Variants in AK9 observed in about 807,000 individuals in gnomAD.
AK9 encodes adenylate kinase 9, also known as adenylate kinase domain containing 1.
Under a neutral mutation model 239.6 loss-of-function variants are expected in AK9, and 191 were observed. The observed-to-expected ratio is 0.80, with a 90% confidence interval of 0.71 to 0.90. The LOEUF (loss-of-function observed/expected upper bound fraction) is 0.90, where lower values mean the gene tolerates loss of function less well. Among genes scored for constraint, AK9 ranks in the 40% least tolerant of loss-of-function variants. AK9 has a pLI of 0.00. For synonymous variants in AK9, 689 were observed against 721.0 expected, an observed-to-expected ratio of 0.96 and a Z score of 0.71; for missense variants, 1,995 against 2,214.7, an observed-to-expected ratio of 0.90 and a Z score of 1.99.
At chr6:109,640,587 T>A (rs1317421360) in intron 10 of AK9, among the ~76,000 whole-genome samples, 6 of 152,084 alleles carry the variant, frequency 3.9e-5, no homozygotes, top group African/African-American at 7.2e-5. Context: ...ATTTTTTTTT[T>A]TTTTTATTTT....
intron 13 of AK9, among the ~76,000 whole-genome samples, chr6:109,616,344 C>G (rs903859896): frequency 1.3e-5 from 2 of 151,978 alleles, no homozygotes; most frequent in Non-Finnish European, 2.9e-5. Context: ...GGATTAAAAA[C>G]TTAATGATTT....
At chr6:109,675,484 T>G (rs143233097) in intron 2 of AK9, 145 bp downstream of exon 2, 90 of 539,032 alleles carry the variant, frequency 1.7e-4, no homozygotes, top group Middle Eastern at 1.5e-3. Flanking sequence ...ACCAATATTA[T>G]GGCAGATTTT....
chr6:109,654,232 T>C (rs1355389049), intron 8 of AK9, among the ~76,000 whole-genome samples: 1 of 152,194 alleles, frequency 6.6e-6, no homozygotes, highest in African/African-American at 2.4e-5. Context: ...AGATTCTAGG[T>C]GTTTTCCTCT....
chr6:109,649,114 G>A (rs575040618), intron 8 of AK9, among the ~76,000 whole-genome samples: 34 of 152,226 alleles, frequency 2.2e-4, no homozygotes, highest in Admixed American at 1.7e-3. Flanking sequence ...AGTTATCTAT[G>A]ACAAACCCAC....
chr6:109,639,287 A>G (rs1479512176), intron 10 of AK9, among the ~76,000 whole-genome samples: 3 of 152,094 alleles, frequency 2.0e-5, no homozygotes, highest in East Asian at 1.9e-4. Context: ...AAGTGTTCCT[A>G]TTTCTCCACA....
intron 17 of AK9, among the ~76,000 whole-genome samples, chr6:109,599,703 A>G (rs1443064457): frequency 2.0e-5 from 3 of 152,318 alleles, no homozygotes; most frequent in South Asian, 2.1e-4. Context: ...CTTCCTATCC[A>G]TGAGCATGGA....
At chr6:109,557,402 C>A (rs1785137503) in intron 24 of AK9, among the ~76,000 whole-genome samples, 1 of 152,100 alleles carries the variant, frequency 6.6e-6, no homozygotes, top group Admixed American at 6.5e-5. Flanking sequence ...GGAACACCAA[C>A]CTGATGCCAG....
At chr6:109,509,577 C>G (rs927343099) in intron 32 of AK9, among the ~76,000 whole-genome samples, 197 bp from the exon 33 acceptor site, 1 of 152,078 alleles carries the variant, frequency 6.6e-6, no homozygotes, top group African/African-American at 2.4e-5. Context: ...TGCTGCAGAC[C>G]CAGGCCTCCT....
rs376530730 is a variant in AK9 at position 109,547,632 on chromosome 6, G to T, written c.2965-1505C>A. ...GGGAAGTGCTACAGGACATTGGTCTGGGCAAAGATTTTTCCAGGTAAAACC... is the reference window on the plus strand; with the variant it reads ...GGGAAGTGCTACAGGACATTGGTCTTGGCAAAGATTTTTCCAGGTAAAACC... On this transcript the variant is annotated intron_variant, in intron 25 of 40. Coordinates refer to ENST00000424296, the MANE Select transcript of AK9 (RefSeq NM_001145128.3). Among the ~76,000 whole-genome samples the T allele has an allele frequency of 1.7e-3, 253 of 152,122 alleles. 8 individuals are homozygous for T. The South Asian group carries it at 0.051, about 30-fold the overall frequency.
intron 8 of AK9, among the ~76,000 whole-genome samples, chr6:109,648,709 G>A (rs1055271779): frequency 2.0e-5 from 3 of 152,096 alleles, no homozygotes; most frequent in Non-Finnish European, 4.4e-5. Flanking sequence ...CCAATCAATA[G>A]AAAAAGAGGG....
intron 1 of AK9, among the ~76,000 whole-genome samples, chr6:109,679,641 C>A (rs1432528770): frequency 6.6e-6 from 1 of 152,110 alleles, no homozygotes; most frequent in African/African-American, 2.4e-5. Flanking sequence ...GGTCCCTGAC[C>A]CCCATGTCTC....
intron 38 of AK9, among the ~76,000 whole-genome samples, chr6:109,496,859 G>T (rs1437149821): frequency 6.6e-6 from 1 of 152,002 alleles, no homozygotes; most frequent in Non-Finnish European, 1.5e-5. Flanking sequence ...ATTCCAACAC[G>T]GACCTCACTT....
chr6:109,529,061 C>T lies in AK9; in HGVS notation c.3583G>A (p.Ala1195Thr), dbSNP rs1018613088. Residue 1195 changes from alanine (A) to threonine (T), a missense_variant, in exon 29 of 41, where the codon GCT becomes ACT. Transcript: ENST00000424296. Reference protein sequence around the residue: ...MKAKIRVDTIAKRRAELILER... With the variant: ...MKAKIRVDTITKRRAELILER... ...AATATAAGTTCAGCCCTTCTTTTAG[C>T]AATCGTATCAACCTGTTAAAGAAAG... 5.1e-6 allele frequency: 8 copies of T among 1,577,428 alleles called. No homozygotes were observed. In the African/African-American group the frequency reaches 9.6e-5, roughly 19 times the overall value.
At chr6:109,495,954 C>G (rs987900286) in intron 38 of AK9, among the ~76,000 whole-genome samples, 1 of 151,034 alleles carries the variant, frequency 6.6e-6, no homozygotes, top group African/African-American at 2.4e-5. Flanking sequence ...TGTGCATATG[C>G]ATTTAAACAT....
chr6:109,500,206 C>T (rs1171847882), intron 35 of AK9, among the ~76,000 whole-genome samples: 1 of 152,052 alleles, frequency 6.6e-6, no homozygotes, highest in Non-Finnish European at 1.5e-5. Flanking sequence ...GTGCCCAGAT[C>T]CCACCCAAGA....
At chr6:109,610,639 G>T in intron 16 of AK9, 126 bp from the exon 17 acceptor site, 1 of 1,036,532 alleles carries the variant, frequency 9.6e-7, no homozygotes, top group Non-Finnish European at 1.4e-6. Context: ...CGCAGCACAT[G>T]TTGGAAGGAG....
chr6:109,516,345 T>C (rs1779277542), intron 30 of AK9, 85 bp downstream of exon 30: 3 of 1,205,854 alleles, frequency 2.5e-6, no homozygotes, highest in East Asian at 5.1e-5. Flanking sequence ...TTTAAATGTT[T>C]AAAGAAATGG....
In AK9 at chr6:109,497,573, C is replaced by A. The variant is rs1040254442; in HGVS notation, c.5217-10G>T. Reference sequence around the variant, plus strand: ...TACTAGAGCTTCATATCTGGAAGACCAAAAAACAAAACAAAACCTCTATTG... The same window carrying A: ...TACTAGAGCTTCATATCTGGAAGACAAAAAAACAAAACAAAACCTCTATTG... On this transcript the variant is annotated splice_polypyrimidine_tract_variant and intron_variant, in intron 37 of 40. Transcript: ENST00000424296. 1.9e-6 allele frequency: 3 copies of A among 1,540,736 alleles called. No individual in the cohort carries two copies. The highest frequency in any genetic ancestry group is 1.8e-6 in the Non-Finnish European group (2 of 1,125,384).
chr6:109,581,890 ACT>A (rs1000124940), intron 19 of AK9, among the ~76,000 whole-genome samples: 1 of 152,156 alleles, frequency 6.6e-6, no homozygotes, highest in Non-Finnish European at 1.5e-5. Flanking sequence ...ACAGGCTGAC[ACT>A]CTTATTAAGG....
Sources: gnomAD v4.1 joint callset for allele counts (sites outside exome capture counted in the v4.1 genomes callset) on GRCh38, gnomAD v4.1.1 for gene constraint, MANE v1.5 for transcripts, NCBI Gene and HGNC (gene_info 2026-07-23, HGNC 2026-07-21) for gene names.